Variants in THOC7 observed in about 807,000 individuals in gnomAD.
THOC7 encodes NIF3L1-binding protein 1.
In THOC7, 22 loss-of-function variants were observed where a neutral mutation model predicts 33.1. That is an observed-to-expected ratio of 0.66 (90% confidence interval 0.47 to 0.95). The LOEUF (loss-of-function observed/expected upper bound fraction) is 0.95, where lower values mean the gene tolerates loss of function less well. THOC7 is among the 40% of genes least tolerant of loss of function. The pLI is 0.00. For synonymous variants in THOC7, 77 were observed against 76.8 expected (o/e 1.00, Z -0.01); for missense variants, 184 against 245.3 (o/e 0.75, Z 1.67).
At chr3:63,855,760 G>A (rs1056881084) in intron 1 of THOC7, among the ~76,000 whole-genome samples, 1 of 152,204 alleles carries the variant, frequency 6.6e-6, no homozygotes, top group Non-Finnish European at 1.5e-5. Flanking sequence ...TTCCCTTTGA[G>A]GGAAGGCTGC....
At chr3:63,846,009 A>G (rs1701886053) in intron 1 of THOC7, 1 of 181,806 alleles carries the variant, frequency 5.5e-6, no homozygotes, top group Non-Finnish European at 1.2e-5. Flanking sequence ...ATTGGCATTC[A>G]GAAGCCTCAA....
chr3:63,843,275 T>C (rs1366199556), intron 1 of THOC7, among the ~76,000 whole-genome samples: 1 of 151,998 alleles, frequency 6.6e-6, no homozygotes, highest in Non-Finnish European at 1.5e-5. Flanking sequence ...TGTGCCACCA[T>C]GCCCAGCTAA....
chr3:63,834,256 GATGAACAC>G (rs1701581664), intron 7 of THOC7, 57 bp from the exon 8 acceptor site: 2 of 1,522,380 alleles, frequency 1.3e-6, no homozygotes, highest in Admixed American at 1.7e-5. Context: ...TTTTATATTC[GATGAACAC>G]ATGAAAACAT....
At chr3:63,835,717 A>C (rs1434240208) in intron 5 of THOC7, among the ~76,000 whole-genome samples, 1 of 152,066 alleles carries the variant, frequency 6.6e-6, no homozygotes, top group African/African-American at 2.4e-5. Flanking sequence ...AAGAAATAAA[A>C]CATTGCCAAT....
At chr3:63,839,948 T>C (rs1459135903) in intron 1 of THOC7, among the ~76,000 whole-genome samples, 175 bp from the exon 2 acceptor site, 1 of 152,214 alleles carries the variant, frequency 6.6e-6, no homozygotes, top group South Asian at 2.1e-4. Context: ...TTTTATGTTA[T>C]GCATAGTTTA....
intron 1 of THOC7, among the ~76,000 whole-genome samples, chr3:63,857,191 G>A (rs528449354): frequency 5.9e-5 from 9 of 152,236 alleles, no homozygotes; most frequent in Admixed American, 2.0e-4. Flanking sequence ...GAATTATTAC[G>A]GAAGGTAAAG....
intron 1 of THOC7, among the ~76,000 whole-genome samples, chr3:63,845,467 G>A (rs1701871075): frequency 1.3e-5 from 2 of 152,188 alleles, no homozygotes; most frequent in South Asian, 4.1e-4. Context: ...TATGACCAGA[G>A]GGAAATGTGC....
At chr3:63,853,924 A>C (rs1702063791) in intron 1 of THOC7, among the ~76,000 whole-genome samples, 1 of 152,178 alleles carries the variant, frequency 6.6e-6, no homozygotes, top group African/African-American at 2.4e-5. Flanking sequence ...AAAAAAAAAA[A>C]ATTTAATCCA....
intron 1 of THOC7, chr3:63,863,322 C>T (rs1702277661): frequency 7.4e-6 from 4 of 543,762 alleles, no homozygotes; most frequent in South Asian, 7.9e-5. Context: ...CAGACCTCCA[C>T]AAACCTTCCA....
intron 4 of THOC7, among the ~76,000 whole-genome samples, chr3:63,836,813 T>G (rs574874987): frequency 1.3e-5 from 2 of 152,096 alleles, no homozygotes; most frequent in South Asian, 4.1e-4. Context: ...TTCAGAAACT[T>G]GCAAATAACT....
intron 1 of THOC7, chr3:63,848,694 C>T (rs1333667258): frequency 2.0e-5 from 3 of 152,110 alleles, no homozygotes; most frequent in Admixed American, 6.5e-5. Context: ...AACTGCTAAC[C>T]AAGATCAAAC....
chr3:63,844,064 T>G (rs1311525706), intron 1 of THOC7, among the ~76,000 whole-genome samples: 1 of 152,172 alleles, frequency 6.6e-6, no homozygotes. Context: ...TGGATGAACC[T>G]AGAGAACATT....
intron 1 of THOC7, chr3:63,845,179 A>T: frequency 1.9e-6 from 1 of 514,506 alleles, no homozygotes; most frequent in Non-Finnish European, 3.5e-6. Context: ...TGCTCTCTTT[A>T]AGTATTTAAG....
intron 1 of THOC7, among the ~76,000 whole-genome samples, chr3:63,859,117 T>C (rs1459926492): frequency 6.6e-6 from 1 of 152,244 alleles, no homozygotes; most frequent in Non-Finnish European, 1.5e-5. Flanking sequence ...GAGCATCCAC[T>C]TCTATCTTCC....
At chr3:63,853,862 C>T (rs147455593) in intron 1 of THOC7, among the ~76,000 whole-genome samples, 4 of 150,570 alleles carry the variant, frequency 2.7e-5, no homozygotes, top group Admixed American at 1.3e-4. Context: ...GAGCCAAGGT[C>T]GCGCCACTGC....
At chr3:63,857,017 C>T (rs965726612) in intron 1 of THOC7, among the ~76,000 whole-genome samples, 1 of 152,204 alleles carries the variant, frequency 6.6e-6, no homozygotes, top group African/African-American at 2.4e-5. Flanking sequence ...CTTGCCCGGC[C>T]TCATTATAGA....
intron 2 of THOC7, among the ~76,000 whole-genome samples, chr3:63,839,252 G>A (rs1268028869): frequency 6.6e-6 from 1 of 152,006 alleles, no homozygotes; most frequent in Non-Finnish European, 1.5e-5. Flanking sequence ...AAGTAATCGT[G>A]GTTTCTGCCA....
intron 3 of THOC7, 35 bp downstream of exon 3, chr3:63,838,337 A>G: frequency 7.3e-7 from 1 of 1,364,810 alleles, no homozygotes; most frequent in Non-Finnish European, 1.0e-6. Flanking sequence ...ACCATAAAAA[A>G]TAAAATTACA....
intron 1 of THOC7, among the ~76,000 whole-genome samples, chr3:63,850,772 G>A (rs1367711195): frequency 6.6e-6 from 1 of 151,704 alleles, no homozygotes; most frequent in African/African-American, 2.4e-5. Flanking sequence ...TTTTAATAGA[G>A]ATGGAGTTTC....
Sources: gnomAD v4.1 joint callset for allele counts (sites outside exome capture counted in the v4.1 genomes callset) on GRCh38, gnomAD v4.1.1 for gene constraint, MANE v1.5 for transcripts, NCBI Gene and HGNC (gene_info 2026-07-23, HGNC 2026-07-21) for gene names.